Variants in PKP4 observed in about 807,000 individuals in gnomAD.
PKP4 encodes the protein plakophilin-4.
A neutral mutation model predicts 145.1 loss-of-function variants in PKP4; 90 were observed. The ratio of observed to expected loss-of-function variants is 0.62; its 90% CI spans 0.52 to 0.74. The LOEUF is 0.74. Ranked by LOEUF, PKP4 falls within the 30% of genes least tolerant of loss-of-function variation. The pLI, the probability that PKP4 is intolerant of heterozygous loss-of-function variation, is 0.00. For synonymous variants in PKP4, 563 were observed against 577.2 expected, an observed-to-expected ratio of 0.98 and a Z score of 0.35; for missense variants, 1,340 against 1,482.7, an observed-to-expected ratio of 0.90 and a Z score of 1.58.
At chr2:158,664,674 G>C (rs1487102999) in intron 15 of PKP4, among the ~76,000 whole-genome samples, 1 of 152,202 alleles carries the variant, frequency 6.6e-6, no homozygotes, top group Non-Finnish European at 1.5e-5. Flanking sequence ...AGCCGGTGTG[G>C]TTATTTTGTT....
At chr2:158,495,392 C>T (rs1326353221) in intron 1 of PKP4, among the ~76,000 whole-genome samples, 2 of 151,106 alleles carry the variant, frequency 1.3e-5, no homozygotes, top group Non-Finnish European at 2.9e-5. Flanking sequence ...GTTCACTTGG[C>T]TCATCACTTC....
At chr2:158,666,359 A>T in intron 15 of PKP4, 54 bp from the exon 16 acceptor site, 9 of 1,415,406 alleles carry the variant, frequency 6.4e-6, no homozygotes, top group Non-Finnish European at 8.4e-6. Context: ...TGACAGTAAC[A>T]TATGAGACTG....
rs553262111 is a variant in PKP4 at position 158,662,932 on chromosome 2, G to T, written c.2247G>T (p.Leu749=). The T allele has an allele frequency of 1.2e-6, 2 of 1,612,442 alleles. No individual in the cohort carries two copies. Among genetic ancestry groups the T allele is most frequent in the Admixed American group, 3.4e-5 (2 of 59,606 alleles). The change falls in exon 14 of 22, where the codon CTG becomes CTT. Residue 749 remains leucine (L), a synonymous_variant. Transcript: ENST00000389759. The part of the protein sequence containing the change: ...VENCVCTLRN[L]SYRLELEVPQ... ...ACTGCGTGTGCACCCTGAGGAACCT[G>T]TCCTATCGGCTGGAGCTGGAGGTGC...
chr2:158,604,567 G>A (rs902265656), intron 4 of PKP4, among the ~76,000 whole-genome samples: 2 of 152,162 alleles, frequency 1.3e-5, no homozygotes, highest in Non-Finnish European at 2.9e-5. Flanking sequence ...AGGATTTAGA[G>A]GCTGGTGTGG....
At chr2:158,570,673 G>A (rs148507890) in intron 2 of PKP4, among the ~76,000 whole-genome samples, 56 of 152,180 alleles carry the variant, frequency 3.7e-4, no homozygotes, top group African/African-American at 1.3e-3. Context: ...GCCTCTTGGT[G>A]TGTTATACTG....
intron 9 of PKP4, among the ~76,000 whole-genome samples, chr2:158,637,304 C>CTG (rs2053888173): frequency 6.6e-6 from 1 of 152,190 alleles, no homozygotes; most frequent in South Asian, 2.1e-4. Flanking sequence ...TCAGTGAGGT[C>CTG]TGCACTCTGA....
intron 10 of PKP4, 86 bp downstream of exon 10, chr2:158,640,845 C>T (rs1049882635): frequency 3.5e-5 from 49 of 1,403,640 alleles, no homozygotes; most frequent in Non-Finnish European, 7.0e-6. Flanking sequence ...AGAAATTACC[C>T]AGTGTAATTC....
chr2:158,570,191 A>G (rs937508642), intron 2 of PKP4, among the ~76,000 whole-genome samples: 2 of 152,212 alleles, frequency 1.3e-5, no homozygotes, highest in African/African-American at 4.8e-5. Flanking sequence ...GAGAAGTTCA[A>G]GGACCTTTGT....
chr2:158,603,605 G>T (rs2050406113), intron 4 of PKP4, among the ~76,000 whole-genome samples: 1 of 152,072 alleles, frequency 6.6e-6, no homozygotes, highest in Non-Finnish European at 1.5e-5. Flanking sequence ...TAGGAAGGAT[G>T]AATTACATTA....
intron 4 of PKP4, among the ~76,000 whole-genome samples, chr2:158,619,030 C>T (rs1356418007): frequency 6.6e-6 from 1 of 152,102 alleles, no homozygotes; most frequent in Non-Finnish European, 1.5e-5. Context: ...CTTGCTAGTT[C>T]GTATTTGCTT....
chr2:158,671,309 G>A (rs1321032764), intron 17 of PKP4, among the ~76,000 whole-genome samples: 1 of 146,064 alleles, frequency 6.8e-6, no homozygotes, highest in Non-Finnish European at 1.5e-5. Context: ...CAGCAGTAAT[G>A]ATATTTCCTT....
At chr2:158,679,862 CAGCAG>C (rs1207438075) in intron 21 of PKP4, among the ~76,000 whole-genome samples, 1 of 152,238 alleles carries the variant, frequency 6.6e-6, no homozygotes, top group Non-Finnish European at 1.5e-5. Context: ...TTACAACTTA[CAGCAG>C]AGTTTCCAAA....
chr2:158,595,108 T>C (rs114976250), intron 3 of PKP4, among the ~76,000 whole-genome samples: 1 of 152,194 alleles, frequency 6.6e-6, no homozygotes, highest in East Asian at 1.9e-4. Context: ...AAGTCTCTAG[T>C]GTAAAGAATT....
chr2:158,521,123 T>C (rs1435630763), intron 1 of PKP4, among the ~76,000 whole-genome samples: 2 of 152,104 alleles, frequency 1.3e-5, no homozygotes, highest in Non-Finnish European at 2.9e-5. Context: ...GACTACAGAG[T>C]GTACATGTCA....
intron 1 of PKP4, among the ~76,000 whole-genome samples, chr2:158,530,463 A>G (rs1343241329): frequency 6.8e-6 from 1 of 146,904 alleles, no homozygotes; most frequent in Non-Finnish European, 1.5e-5. Flanking sequence ...CGTGAGGCCT[A>G]ATTTCTCACA....
At chr2:158,544,276 G>A (rs757516100) in intron 2 of PKP4, among the ~76,000 whole-genome samples, 7 of 152,110 alleles carry the variant, frequency 4.6e-5, no homozygotes, top group Admixed American at 2.0e-4. Context: ...TAGGGGCATC[G>A]TAAGACTCAT....
At chr2:158,670,207 T>G (rs1436111953) in intron 17 of PKP4, among the ~76,000 whole-genome samples, 3 of 152,186 alleles carry the variant, frequency 2.0e-5, no homozygotes, top group Non-Finnish European at 2.9e-5. Context: ...GTGAACTGGG[T>G]GGCTTATAAA....
At chr2:158,587,019 C>T (rs2048860216) in intron 3 of PKP4, among the ~76,000 whole-genome samples, 1 of 151,930 alleles carries the variant, frequency 6.6e-6, no homozygotes, top group South Asian at 2.1e-4. Flanking sequence ...CTTTTTTGAA[C>T]CTAGAATGTT....
At chr2:158,534,006 GT>G (rs999823970) in intron 2 of PKP4, among the ~76,000 whole-genome samples, 5 of 151,770 alleles carry the variant, frequency 3.3e-5, no homozygotes, top group African/African-American at 1.2e-4. Flanking sequence ...TCCAGGGATG[GT>G]TTTTTTGTTT....
Sources: gnomAD v4.1 joint callset for allele counts (sites outside exome capture counted in the v4.1 genomes callset) on GRCh38, gnomAD v4.1.1 for gene constraint, MANE v1.5 for transcripts, NCBI Gene and HGNC (gene_info 2026-07-23, HGNC 2026-07-21) for gene names.